HK1: variants seen among roughly 807,000 people sequenced by gnomAD.
The protein encoded by HK1 is hexokinase 1, also known as hexokinase-1.
In HK1, 28 loss-of-function variants were observed where a neutral mutation model predicts 91.6. The ratio of observed to expected loss-of-function variants is 0.31; its 90% CI spans 0.23 to 0.42. The LOEUF is 0.42. HK1 is among the 10% of genes least tolerant of loss of function. The pLI is 1.00. For missense variants in HK1, 770 were observed against 1,219.8 expected, an observed-to-expected ratio of 0.63 and a Z score of 5.49; for synonymous variants, 430 against 468.1, an observed-to-expected ratio of 0.92 and a Z score of 1.05.
chr10:69,282,598 C>T (rs1283958391), exon 2 of HK1: 1 of 152,222 alleles, frequency 6.6e-6, no homozygotes. Context: ...AGTCCAAACA[C>T]CTACCCACAC....
intron 1 of HK1, among the ~76,000 whole-genome samples, chr10:69,328,495 C>T (rs775977266): frequency 4.1e-4 from 62 of 152,154 alleles, no homozygotes; most frequent in South Asian, 4.1e-4. Context: ...CTAAAGGCAT[C>T]GTGAGCCTTT....
At chr10:69,298,290 T>G (rs998126417) in intron 4 of HK1, among the ~76,000 whole-genome samples, 27 of 151,924 alleles carry the variant, frequency 1.8e-4, no homozygotes, top group Non-Finnish European at 3.5e-4. Flanking sequence ...ATTAGACTGA[T>G]CCTCACAAAA....
chr10:69,391,157 G>A (rs578259081), intron 14 of HK1, among the ~76,000 whole-genome samples: 2 of 152,200 alleles, frequency 1.3e-5, no homozygotes, highest in Admixed American at 6.5e-5. Flanking sequence ...CCCAGAGAAA[G>A]GTGCCTTTTT....
intron 3 of HK1, among the ~76,000 whole-genome samples, chr10:69,363,688 T>G (rs1368059062): frequency 1.3e-5 from 2 of 152,156 alleles, no homozygotes; most frequent in Non-Finnish European, 2.9e-5. Flanking sequence ...CCTGGTTATA[T>G]TTTAGAGATG....
intron 16 of HK1, among the ~76,000 whole-genome samples, chr10:69,397,730 C>G (rs1242316742): frequency 6.6e-6 from 1 of 152,130 alleles, no homozygotes; most frequent in Non-Finnish European, 1.5e-5. Context: ...CCTGGCTGGT[C>G]TTCATTGTAC....
rs150827659 is a variant in HK1, at chr10:69,399,502, A to T, written c.2609+674A>T. Among the ~76,000 whole-genome samples the T allele has an allele frequency of 1.1e-3, 170 of 152,194 alleles. 1 individual carries two copies. The highest frequency in any genetic ancestry group is 3.9e-3 in the African/African-American group (162 of 41,496). ...ACTCCAGCCTGGGCAACAGAGTGAG[A>T]CCCTATTTCAAAAAATAAAATAGGA... On this transcript the variant is annotated intron_variant, in intron 17 of 17. Transcript: ENST00000359426.
intron 1 of HK1, among the ~76,000 whole-genome samples, chr10:69,341,478 T>G (rs1465409177): frequency 2.0e-5 from 3 of 151,878 alleles, no homozygotes; most frequent in Non-Finnish European, 4.4e-5. Flanking sequence ...AATTTTTTTT[T>G]TTTTTAGAGA....
At chr10:69,368,432 C>A in intron 4 of HK1, 104 bp from the exon 5 acceptor site, 1 of 961,648 alleles carries the variant, frequency 1.0e-6, no homozygotes. Flanking sequence ...GCCACTTGGC[C>A]CCTATGGGCT....
At chr10:69,338,817 G>C in intron 1 of HK1, 16 of 716,476 alleles carry the variant, frequency 2.2e-5, no homozygotes, top group Non-Finnish European at 3.1e-5. Context: ...GGAAAAGGAA[G>C]GAGGAGAGTA....
intron 7 of HK1, among the ~76,000 whole-genome samples, chr10:69,370,675 A>G (rs1483312003): frequency 6.6e-6 from 1 of 152,196 alleles, no homozygotes; most frequent in Non-Finnish European, 1.5e-5. Flanking sequence ...TCTGTTGTGC[A>G]GAGGAGTTGG....
intron 8 of HK1, among the ~76,000 whole-genome samples, chr10:69,377,466 G>GT (rs1839175184): frequency 1.3e-5 from 2 of 151,886 alleles, no homozygotes; most frequent in Admixed American, 6.6e-5. Context: ...CGGAGCCTGG[G>GT]TTTTTGGAAT....
intron 13 of HK1, among the ~76,000 whole-genome samples, chr10:69,388,537 A>AAC (rs57640630): frequency 0.094 from 14,208 of 151,686 alleles, 2,187 homozygotes; most frequent in African/African-American, 0.32. Flanking sequence ...TGCATATGCC[A>AAC]ACACACACAC....
chr10:69,347,233 A>T (rs141434808), intron 2 of HK1, among the ~76,000 whole-genome samples: 4,739 of 151,252 alleles, frequency 0.031, 121 homozygotes, highest in African/African-American at 0.061. Flanking sequence ...CTGGTCTCGA[A>T]CTCCTGACCT....
chr10:69,373,777 G>T lies in HK1; in HGVS notation c.876-3157G>T, dbSNP rs1026742550. 5.9e-5 allele frequency among the ~76,000 whole-genome samples: 9 copies of T among 151,622 alleles called. No homozygotes were observed. The East Asian group carries it at 1.4e-3, about 23-fold the overall frequency. On this transcript the variant is annotated intron_variant, in intron 7 of 17. Coordinates refer to ENST00000359426, the MANE Select transcript of HK1 (RefSeq NM_000188.3). ...GCTAATTTTAAAATTTTTTTATAGA[G>T]ACTGGGTCTCCCTATGTTGCCCAGC...
intron 1 of HK1, among the ~76,000 whole-genome samples, chr10:69,341,035 A>G (rs962251633): frequency 6.6e-6 from 1 of 152,296 alleles, no homozygotes. Context: ...CTGCAGACCC[A>G]GGGCACTATG....
chr10:69,299,167 A>G (rs1845717840), intron 4 of HK1, among the ~76,000 whole-genome samples: 1 of 151,340 alleles, frequency 6.6e-6, no homozygotes. Flanking sequence ...CAAATTCTGT[A>G]AGCTTAATAA....
chr10:69,280,362 C>T (rs1159346933), intron 1 of HK1, among the ~76,000 whole-genome samples: 1 of 152,144 alleles, frequency 6.6e-6, no homozygotes, highest in African/African-American at 2.4e-5. Flanking sequence ...TGTGATTTGC[C>T]CACCTCGGCC....
At chr10:69,309,568 G>A (rs1255358370) in intron 5 of HK1, among the ~76,000 whole-genome samples, 1 of 145,882 alleles carries the variant, frequency 6.9e-6, no homozygotes, top group Non-Finnish European at 1.5e-5. Flanking sequence ...TTGGGAGGCT[G>A]AGGTGGGCGG....
intron 15 of HK1, among the ~76,000 whole-genome samples, chr10:69,394,704 G>C (rs539837552): frequency 6.6e-6 from 1 of 152,314 alleles, no homozygotes; most frequent in South Asian, 2.1e-4. Context: ...CAGCTGAGGA[G>C]GGAGACCAGT....
Sources: allele counts gnomAD v4.1 joint callset (sites outside exome capture counted in the v4.1 genomes callset), GRCh38; gene constraint gnomAD v4.1.1; transcripts MANE v1.5; gene names NCBI Gene and HGNC (gene_info 2026-07-23, HGNC 2026-07-21).